Variants in PRKCE observed in about 807,000 individuals in gnomAD.
The protein encoded by PRKCE is protein kinase C epsilon.
A neutral mutation model predicts 85.4 loss-of-function variants in PRKCE; 16 were observed. That is an observed-to-expected ratio of 0.19 (90% confidence interval 0.13 to 0.28). The LOEUF (loss-of-function observed/expected upper bound fraction) is 0.28. PRKCE is among the 10% of genes least tolerant of loss of function. PRKCE has a pLI of 1.00. For synonymous variants in PRKCE, 388 were observed against 371.5 expected (o/e 1.04, Z -0.51); for missense variants, 573 against 975.2 (o/e 0.59, Z 5.49).
chr2:45,911,700 G>T (rs1207698230), intron 2 of PRKCE, among the ~76,000 whole-genome samples: 1 of 152,206 alleles, frequency 6.6e-6, no homozygotes, highest in South Asian at 2.1e-4. Flanking sequence ...AAGGAAGCTG[G>T]AGGGATTGCC....
At chr2:45,993,010 A>G (rs1465116728) in intron 6 of PRKCE, among the ~76,000 whole-genome samples, 1 of 152,214 alleles carries the variant, frequency 6.6e-6, no homozygotes, top group Non-Finnish European at 1.5e-5. Flanking sequence ...TCCCGGTACA[A>G]CTTTATCCAA....
intron 1 of PRKCE, among the ~76,000 whole-genome samples, chr2:45,705,505 C>G (rs1234238057): frequency 6.6e-6 from 1 of 152,218 alleles, no homozygotes; most frequent in Non-Finnish European, 1.5e-5. Flanking sequence ...ATGCTCCAAC[C>G]AGACCAACCC....
chr2:45,743,901 T>G (rs1211757401), intron 1 of PRKCE, among the ~76,000 whole-genome samples: 1 of 151,666 alleles, frequency 6.6e-6, no homozygotes, highest in Non-Finnish European at 1.5e-5. Flanking sequence ...CATGACCTCA[T>G]CCCCAGGCCT....
At chr2:46,053,020 C>T (rs973319497) in intron 10 of PRKCE, among the ~76,000 whole-genome samples, 1 of 152,214 alleles carries the variant, frequency 6.6e-6, no homozygotes. Context: ...ACCCAACTGC[C>T]TGTGAACTTA....
At chr2:45,773,594 G>A (rs1685513816) in intron 1 of PRKCE, among the ~76,000 whole-genome samples, 1 of 152,188 alleles carries the variant, frequency 6.6e-6, no homozygotes, top group Non-Finnish European at 1.5e-5. Flanking sequence ...ATTACTCCTG[G>A]GCCTCCCTTC....
intron 11 of PRKCE, among the ~76,000 whole-genome samples, chr2:46,093,496 G>T (rs1670380654): frequency 1.4e-5 from 2 of 147,548 alleles, no homozygotes; most frequent in African/African-American, 2.5e-5. Context: ...ATGTACCTCT[G>T]TATTTAGAAA....
chr2:45,972,060 T>C (rs368904284), intron 2 of PRKCE, among the ~76,000 whole-genome samples: 2 of 152,218 alleles, frequency 1.3e-5, no homozygotes, highest in South Asian at 4.1e-4. Context: ...ATAGTGGCTG[T>C]ACAATTTTAC....
At chr2:46,049,689 G>C (rs1708738549) in intron 10 of PRKCE, among the ~76,000 whole-genome samples, 1 of 152,166 alleles carries the variant, frequency 6.6e-6, no homozygotes. Flanking sequence ...GCTTCCCTCT[G>C]CTTTCCACTC....
chr2:45,653,380 T>TTG (rs1675227874), intron 1 of PRKCE, among the ~76,000 whole-genome samples: 1 of 141,780 alleles, frequency 7.1e-6, no homozygotes, highest in Non-Finnish European at 1.5e-5. Context: ...GTTTTTTTTT[T>TTG]TTTTTTTTTT....
chr2:45,729,447 C>T (rs551103699), intron 1 of PRKCE, among the ~76,000 whole-genome samples: 15 of 152,228 alleles, frequency 9.9e-5, no homozygotes, highest in African/African-American at 2.2e-4. Context: ...CAAGCCAGCT[C>T]GGCCCTCCCT....
At chr2:45,792,656 G>C (rs949483782) in intron 1 of PRKCE, among the ~76,000 whole-genome samples, 10 of 152,170 alleles carry the variant, frequency 6.6e-5, no homozygotes, top group Admixed American at 1.3e-4. Flanking sequence ...TAGCCTCTCT[G>C]TGCCTGGGTT....
At chr2:45,991,918 G>C (rs1703832156) in intron 6 of PRKCE, among the ~76,000 whole-genome samples, 1 of 152,180 alleles carries the variant, frequency 6.6e-6, no homozygotes, top group South Asian at 2.1e-4. Flanking sequence ...GGTCTGAGAG[G>C]TGTCATTTAT....
chr2:46,111,923 A>G lies in PRKCE; in HGVS notation c.1592+25561A>G, dbSNP rs1672295105. ...AATGGCTGTACCATTTTATATTCCC[A>G]CCAGCAATGTATGAAGGCTCTAGTT... is the stretch of plus-strand genomic sequence containing the variant. On this transcript the variant is annotated intron_variant, in intron 11 of 14. Coordinates refer to ENST00000306156, the MANE Select transcript of PRKCE (RefSeq NM_005400.3). 2.6e-5 allele frequency among the ~76,000 whole-genome samples: 4 copies of G among 152,138 alleles called. No homozygotes were observed. In the South Asian group the frequency reaches 6.2e-4, roughly 24 times the overall value.
At chr2:45,770,693 A>T (rs1038096427) in intron 1 of PRKCE, 6 of 152,212 alleles carry the variant, frequency 3.9e-5, no homozygotes, top group African/African-American at 1.4e-4. Context: ...AGGGGCTGGG[A>T]TGCCAGCTCT....
chr2:46,171,347 C>T (rs1678875722), intron 14 of PRKCE, among the ~76,000 whole-genome samples: 1 of 152,214 alleles, frequency 6.6e-6, no homozygotes, highest in Non-Finnish European at 1.5e-5. Context: ...GTGATGGTGG[C>T]CTCTTGCACT....
At chr2:45,846,872 G>A (rs757120222) in intron 2 of PRKCE, among the ~76,000 whole-genome samples, 1 of 152,220 alleles carries the variant, frequency 6.6e-6, no homozygotes, top group Admixed American at 6.5e-5. Context: ...GCATGTAAGA[G>A]ATGATCAGTA....
rs537163936 is a variant in PRKCE, at chr2:46,008,435, C to G, written c.1263+774C>G. Among the ~76,000 whole-genome samples, 196 of 152,324 alleles carry G rather than the reference C, an allele frequency of 1.3e-3. 2 individuals carry two copies. Among genetic ancestry groups the G allele is most frequent in the African/African-American group, 4.5e-3 (188 of 41,580 alleles). ...GCAGAGGAAGCTGTTTGCATTTCACCTGAGATCTCTGATTGTTCCCTGGTT... is the reference window on the plus strand; with the variant it reads ...GCAGAGGAAGCTGTTTGCATTTCACGTGAGATCTCTGATTGTTCCCTGGTT... On this transcript the variant is annotated intron_variant, in intron 9 of 14. Transcript: ENST00000306156.
At chr2:45,888,416 G>A (rs561107234) in intron 2 of PRKCE, among the ~76,000 whole-genome samples, 43 of 149,350 alleles carry the variant, frequency 2.9e-4, no homozygotes, top group African/African-American at 1.1e-3. Context: ...CCACTGGAAA[G>A]CCTCATGCCT....
At chr2:46,117,621 G>C (rs971715359) in intron 11 of PRKCE, among the ~76,000 whole-genome samples, 4 of 151,686 alleles carry the variant, frequency 2.6e-5, no homozygotes, top group Admixed American at 2.0e-4. Context: ...TTCACATGTG[G>C]GTCCTAAGCC....
Sources: allele counts gnomAD v4.1 joint callset (sites outside exome capture counted in the v4.1 genomes callset), GRCh38; gene constraint gnomAD v4.1.1; transcripts MANE v1.5; gene names NCBI Gene and HGNC (gene_info 2026-07-23, HGNC 2026-07-21).